The following PHYHIPL variants were observed in gnomAD, a reference collection of about 807,000 sequenced individuals.
PHYHIPL encodes the protein phytanoyl-CoA hydroxylase-interacting protein-like.
A neutral mutation model predicts 33.4 loss-of-function variants in PHYHIPL; 9 were observed. The observed-to-expected ratio is 0.27, with a 90% CI of 0.16 to 0.47. The LOEUF (loss-of-function observed/expected upper bound fraction) is 0.47. Among genes scored for constraint, PHYHIPL ranks in the 20% least tolerant of loss-of-function variants. The pLI, the probability that PHYHIPL is intolerant of heterozygous loss-of-function variation, is 0.99. For synonymous variants in PHYHIPL, 153 were observed against 154.1 expected, an observed-to-expected ratio of 0.99 and a Z score of 0.05; for missense variants, 365 against 460.7, an observed-to-expected ratio of 0.79 and a Z score of 1.90.
intron 1 of PHYHIPL, among the ~76,000 whole-genome samples, chr10:59,205,227 G>A (rs1034671190): frequency 1.3e-5 from 2 of 152,078 alleles, no homozygotes; most frequent in Non-Finnish European, 2.9e-5. Context: ...AATTATCCCA[G>A]TTCCTTGTGG....
At chr10:59,241,183 C>T (rs1165631286) in intron 4 of PHYHIPL, among the ~76,000 whole-genome samples, 1 of 151,994 alleles carries the variant, frequency 6.6e-6, no homozygotes, top group Admixed American at 6.6e-5. Context: ...TTCTTTTTGT[C>T]ATTAACTCTA....
chr10:59,192,891 C>A (rs1838818497), intron 1 of PHYHIPL, among the ~76,000 whole-genome samples: 1 of 151,964 alleles, frequency 6.6e-6, no homozygotes, highest in African/African-American at 2.4e-5. Flanking sequence ...TCTTTCTGGA[C>A]CAGTTAGATT....
intron 1 of PHYHIPL, among the ~76,000 whole-genome samples, chr10:59,187,866 A>G (rs1234277488): frequency 1.3e-5 from 2 of 151,606 alleles, no homozygotes; most frequent in Non-Finnish European, 1.5e-5. Flanking sequence ...TTTCTTCTTT[A>G]TTAGTCTTGC....
chr10:59,198,307 G>T (rs565636749), intron 1 of PHYHIPL, among the ~76,000 whole-genome samples: 9 of 151,974 alleles, frequency 5.9e-5, no homozygotes, highest in South Asian at 4.2e-4. Context: ...GCGGTGTTTG[G>T]TTTTTTTGTC....
intron 1 of PHYHIPL, among the ~76,000 whole-genome samples, chr10:59,206,397 AT>A (rs1839285910): frequency 6.6e-6 from 1 of 152,036 alleles, no homozygotes; most frequent in Non-Finnish European, 1.5e-5. Flanking sequence ...CTCCCTTCCT[AT>A]TATTTGGAGT....
At chr10:59,204,114 G>A (rs1204268701) in intron 1 of PHYHIPL, among the ~76,000 whole-genome samples, 1 of 152,054 alleles carries the variant, frequency 6.6e-6, no homozygotes, top group Non-Finnish European at 1.5e-5. Flanking sequence ...TGTATGTAGG[G>A]TTTAGGCCAA....
At chr10:59,216,225 ACC>A (rs569173603) in intron 1 of PHYHIPL, among the ~76,000 whole-genome samples, 2 of 152,074 alleles carry the variant, frequency 1.3e-5, no homozygotes, top group Non-Finnish European at 2.9e-5. Flanking sequence ...TAGTCACGCT[ACC>A]TATTTTCAAG....
chr10:59,206,732 G>T lies in PHYHIPL; in HGVS notation c.107-27572G>T, dbSNP rs181767380. On this transcript the variant is annotated intron_variant, in intron 1 of 4. Transcript: ENST00000373880. ...AAAGTACATAACTAAAAGCTGTTAT[G>T]CATTTCTTTTTTATTTTTTAGTTGT... The T allele has an allele frequency of 2.0e-4, 225 of 1,108,458 alleles. No homozygotes were observed. The African/African-American group carries it at 3.4e-3, about 17-fold the overall frequency. The allele number at this position is 1,108,458 out of a possible 1,614,324, so 68.7% of individuals were successfully genotyped here. A position where few individuals can be genotyped will look rare whatever the true frequency, so the allele number is the denominator to read the frequency against.
At chr10:59,189,718 T>C (rs1349659602) in intron 1 of PHYHIPL, among the ~76,000 whole-genome samples, 1 of 151,924 alleles carries the variant, frequency 6.6e-6, no homozygotes, top group Non-Finnish European at 1.5e-5. Flanking sequence ...TGATAAATAC[T>C]ATAATGGAGT....
intron 1 of PHYHIPL, among the ~76,000 whole-genome samples, chr10:59,186,147 G>T (rs1000860209): frequency 1.1e-4 from 16 of 152,088 alleles, no homozygotes; most frequent in Admixed American, 2.6e-4. Context: ...TTTGTATAAG[G>T]TGTAAGGAAG....
At chr10:59,243,758 A>AAAAC (rs558952486) in intron 4 of PHYHIPL, among the ~76,000 whole-genome samples, 1 of 152,094 alleles carries the variant, frequency 6.6e-6, no homozygotes, top group Non-Finnish European at 1.5e-5. Context: ...CCAGCAAAAA[A>AAAAC]AAACAAACAA....
At chr10:59,227,787 T>A (rs1043543695) in intron 1 of PHYHIPL, among the ~76,000 whole-genome samples, 1 of 152,116 alleles carries the variant, frequency 6.6e-6, no homozygotes, top group African/African-American at 2.4e-5. Context: ...TGCTTTTAAG[T>A]CAGAACTCTT....
intron 1 of PHYHIPL, among the ~76,000 whole-genome samples, chr10:59,196,822 G>A (rs771902426): frequency 2.6e-5 from 4 of 152,124 alleles, no homozygotes; most frequent in African/African-American, 7.2e-5. Context: ...ACACAGCAAG[G>A]TATATCTGTA....
chr10:59,244,993 A>G (rs1335938793), intron 4 of PHYHIPL, 64 bp from the exon 5 acceptor site: 5 of 1,510,856 alleles, frequency 3.3e-6, no homozygotes, highest in South Asian at 1.3e-5. Flanking sequence ...AGGCCATTCA[A>G]ATATATAAAT....
At chr10:59,175,726 G>C (rs1385137672), upstream of PHYHIPL, among the ~76,000 whole-genome samples, 1 of 152,216 alleles carries the variant, frequency 6.6e-6, no homozygotes, top group African/African-American at 2.4e-5. Context: ...AGAGTAGCTT[G>C]AGGAAGCACA....
chr10:59,188,359 A>G (rs1838677433), intron 1 of PHYHIPL, among the ~76,000 whole-genome samples: 1 of 152,012 alleles, frequency 6.6e-6, no homozygotes, highest in African/African-American at 2.4e-5. Context: ...GTTCTTTTAC[A>G]TTTGCTGGGG....
chr10:59,223,699 C>T (rs1839840917), intron 1 of PHYHIPL, among the ~76,000 whole-genome samples: 1 of 151,690 alleles, frequency 6.6e-6, no homozygotes, highest in Non-Finnish European at 1.5e-5. Context: ...GTCTCTGTCA[C>T]CAAGGCTAGA....
Position 59,247,042 on chromosome 10 carries a change from G to GA in PHYHIPL, c.*1458dup, listed in dbSNP as rs11428990. 0.99 allele frequency: 156,987 copies of GA among 158,716 alleles called. 77,658 individuals are homozygous for GA. Among genetic ancestry groups the GA allele is most frequent in the Non-Finnish European group, 1 (72,269 of 72,288 alleles). The allele number at this position is 158,716 out of a possible 1,614,324, so 9.8% of individuals were successfully genotyped here. A position where few individuals can be genotyped will look rare whatever the true frequency, so the allele number is the denominator to read the frequency against. On this transcript the variant is annotated 3_prime_UTR_variant, in exon 5 of 5. Coordinates refer to ENST00000373880, the MANE Select transcript of PHYHIPL (RefSeq NM_032439.4). ...ATAATGTGTTATTTTTATAGAGAAAGAAAAAAATAGCAACACAATCTAGTT... is the reference window on the plus strand; with the variant it reads ...ATAATGTGTTATTTTTATAGAGAAAGAAAAAAAATAGCAACACAATCTAGTT...
At chr10:59,210,792 G>T (rs1215098945) in intron 1 of PHYHIPL, among the ~76,000 whole-genome samples, 1 of 152,126 alleles carries the variant, frequency 6.6e-6, no homozygotes, top group Non-Finnish European at 1.5e-5. Context: ...AGTGAAACTG[G>T]AAACCATCAT....
Sources: gnomAD v4.1 joint callset for allele counts (sites outside exome capture counted in the v4.1 genomes callset) on GRCh38, gnomAD v4.1.1 for gene constraint, MANE v1.5 for transcripts, NCBI Gene and HGNC (gene_info 2026-07-23, HGNC 2026-07-21) for gene names.